Variants in CLN3 observed in about 807,000 individuals in gnomAD.
CLN3 encodes CLN3 lysosomal/endosomal transmembrane protein, battenin.
CLN3 carries 49 observed loss-of-function variants against 60.7 expected under a neutral mutation model. The observed-to-expected ratio is 0.81, with a 90% CI of 0.64 to 1.02. The LOEUF (loss-of-function observed/expected upper bound fraction) is 1.02. Among genes scored for constraint, CLN3 ranks in the 50% least tolerant of loss-of-function variants. CLN3 has a pLI of 0.00. For synonymous variants in CLN3, 256 were observed against 245.8 expected (o/e 1.04, Z -0.39); for missense variants, 516 against 557.4 (o/e 0.93, Z 0.75).
rs771123624 is a variant in CLN3 at position 28,488,582 on chromosome 16, A to T, written c.294+9T>A. ...GGTCAGGCAAGGACCAGGTGAGATG[A>T]GTACGCACAGCCGTAGAGACAGAGT... On this transcript the variant is annotated intron_variant, in intron 5 of 15. Coordinates refer to ENST00000636147, the MANE Select transcript of CLN3 (RefSeq NM_001042432.2). 3 of 1,613,822 alleles carry T rather than the reference A, an allele frequency of 1.9e-6. No homozygotes were observed. In the South Asian group the frequency reaches 3.3e-5, roughly 18 times the overall value.
At chr16:28,487,821 G>A in intron 5 of CLN3, 80 bp from the exon 6 acceptor site, 1 of 1,198,596 alleles carries the variant, frequency 8.3e-7, no homozygotes, top group South Asian at 1.3e-5. Flanking sequence ...AGAGGCAGGA[G>A]CTGGCCAAAC....
At chr16:28,477,997 T>G in intron 14 of CLN3, 120 bp from the exon 15 acceptor site, 5 of 1,194,924 alleles carry the variant, frequency 4.2e-6, no homozygotes, top group Non-Finnish European at 6.0e-6. Context: ...CTGCCAGGTC[T>G]AGATAAAATC....
At position 28,484,003 on chromosome 16, in the gene CLN3, T is replaced by G. The variant is rs386833738; in HGVS notation, c.790+3A>C. 1.0e-4 allele frequency: 164 copies of G among 1,602,734 alleles called. 3 individuals carry two copies. In the South Asian group the frequency reaches 1.8e-3, roughly 17 times the overall value. The stretch of plus-strand genomic sequence containing the variant: ...GACCTCTCTGAGGGTCTGTGTCTCC[T>G]ACCTGGCTTCGACTCCGGGGCCTCG... On this transcript the variant is annotated splice_donor_region_variant and intron_variant, in intron 10 of 15. Coordinates refer to ENST00000636147, the MANE Select transcript of CLN3 (RefSeq NM_001042432.2).
intron 10 of CLN3, among the ~76,000 whole-genome samples, chr16:28,483,060 C>T (rs1467262054): frequency 1.3e-5 from 2 of 151,112 alleles, no homozygotes; most frequent in Non-Finnish European, 2.9e-5. Context: ...GCTGAGATTG[C>T]GCCATTGCAC....
downstream of CLN3, among the ~76,000 whole-genome samples, chr16:28,469,116 T>C (rs2141684499): frequency 9.0e-6 from 1 of 110,858 alleles, no homozygotes; most frequent in East Asian, 2.4e-4. Flanking sequence ...AATGATGGAG[T>C]TAGAGAACCA....
chr16:28,478,670 G>A (rs1213876574), intron 14 of CLN3, among the ~76,000 whole-genome samples: 1 of 148,324 alleles, frequency 6.7e-6, no homozygotes, highest in South Asian at 2.1e-4. Flanking sequence ...AAGGAAGTGG[G>A]ACCATCGAAA....
chr16:28,481,456 A>ACACACC, intron 14 of CLN3, among the ~76,000 whole-genome samples: 1 of 70,220 alleles, frequency 1.4e-5, no homozygotes, highest in African/African-American at 3.5e-5. Flanking sequence ...ACACACACGC[A>ACACACC]CACACACACA....
Position 28,482,331 on chromosome 16 carries a change from G to A in CLN3, c.958C>T (p.Arg320Cys), listed in dbSNP as rs768466445. Residue 320 changes from arginine to cysteine, a missense_variant, in exon 13 of 16, where the codon CGC (arginine) becomes TGC (cysteine). Arg to Cys is a radical substitution (Grantham distance 180). Transcript: ENST00000636147. Reference protein sequence around the residue: ...NTSLSHAQQYRWYQMLYQAGV... With the variant: ...NTSLSHAQQYCWYQMLYQAGV... ...CACTGCCCTCGCTCCTCTTACCAGC[G>A]GTATTGCTGAGCGTGACTCAGGGAA... 16 of 1,613,588 alleles carry A rather than the reference G, an allele frequency of 9.9e-6. No individual in the cohort carries two copies. Among genetic ancestry groups the A allele is most frequent in the South Asian group, 3.3e-5 (3 of 91,026 alleles).
Position 28,481,434 on chromosome 16 carries a change from ACACACACACACACACACACG to A in CLN3, c.1056+651_1056+670del, listed in dbSNP as rs772386995. Among the ~76,000 whole-genome samples, 557 of 132,686 alleles carry A rather than the reference ACACACACACACACACACACG, an allele frequency of 4.2e-3. 1 individual carries two copies. The highest frequency in any genetic ancestry group is 5.7e-3 in the Non-Finnish European group (349 of 61,258). The allele number at this position is 132,686 out of a possible 152,430, so 87.0% of individuals were successfully genotyped here. ...ATGCTTAAAACACACACACACACAC[ACACACACACACACACACACG>A]CACACACACACACACACACACTACA... On this transcript the variant is annotated intron_variant, in intron 14 of 15. Coordinates refer to ENST00000636147, the MANE Select transcript of CLN3 (RefSeq NM_001042432.2).
intron 12 of CLN3, 41 bp downstream of exon 12, chr16:28,482,436 C>T (rs747741691): frequency 6.2e-7 from 1 of 1,613,830 alleles, no homozygotes; most frequent in Non-Finnish European, 8.5e-7. Flanking sequence ...GTCCCAGCCC[C>T]AATCGCCACC....
chr16:28,489,305 C>T lies in CLN3; in HGVS notation c.207G>A (p.Ser69=), dbSNP rs551476103. ...AHDILSHKRT[S]GNQSHVDPGP... ...AGTCACTTACATGGCTCTGGTTTCC[C>T]GATGTCCTCTTGTGGCTAAGGATGT... The change falls in exon 4 of 16, where the codon TCG becomes TCA. Residue 69 remains serine (S), a synonymous_variant. Transcript: ENST00000636147. 26 of 1,612,804 alleles carry T rather than the reference C, an allele frequency of 1.6e-5. No homozygotes were observed. Among genetic ancestry groups the T allele is most frequent in the East Asian group, 1.3e-4 (6 of 44,848 alleles).
rs777076484 is a variant in CLN3 at position 28,484,950 on chromosome 16, G to GT, written c.678-833dup. On this transcript the variant is annotated intron_variant, in intron 9 of 15. Transcript: ENST00000636147. ...TGTGTCTGGCTAGTTCAAAGTGTGT[G>GT]TTTTTTTTTTTTTTAGACGGAGTCT... The GT allele has an allele frequency of 1.8e-3, 258 of 139,544 alleles. 1 individual carries two copies. The highest frequency in any genetic ancestry group is 0.011 in the South Asian group (48 of 4,352). 8.6% of individuals were successfully genotyped at this position (139,544 alleles called of 1,614,324 possible).
chr16:28,482,210 G>GT lies in CLN3; in HGVS notation c.963-13dup. 1 of 1,610,518 alleles carries GT rather than the reference G, an allele frequency of 6.2e-7. No individual in the cohort carries two copies. The highest frequency in any genetic ancestry group is 8.5e-7 in the Non-Finnish European group (1 of 1,178,374). ...ACAGCATCTGGTACCTGAGGTTAGG[G>GT]TTGGGGGGAGGAGAGGAGGCTCCTC... On this transcript the variant is annotated splice_polypyrimidine_tract_variant and intron_variant, in intron 13 of 15. Transcript: ENST00000636147.
intron 14 of CLN3, among the ~76,000 whole-genome samples, chr16:28,479,138 T>C (rs1429702146): frequency 1.3e-5 from 2 of 152,218 alleles, no homozygotes; most frequent in African/African-American, 4.8e-5. Flanking sequence ...CCACATTGCC[T>C]CTTGTGCAGT....
intron 3 of CLN3, among the ~76,000 whole-genome samples, chr16:28,489,778 C>T (rs1256140916): frequency 1.3e-5 from 2 of 151,774 alleles, no homozygotes; most frequent in South Asian, 2.1e-4. Context: ...AGGAAGAGGC[C>T]GAGTGCAGTG....
intron 11 of CLN3, 26 bp downstream of exon 11, chr16:28,482,600 G>T (rs760092546): frequency 6.2e-7 from 1 of 1,614,146 alleles, no homozygotes; most frequent in South Asian, 1.1e-5. Context: ...AGCCCCACAG[G>T]GACATACCCC....
rs1405551970 is a variant in CLN3 at position 28,477,482 on chromosome 16, G to C, written c.*34C>G. On this transcript the variant is annotated 3_prime_UTR_variant, in exon 16 of 16. Transcript: ENST00000636147. ...GTCTGACCTGTCCCTCTGCCCACAGGTGAATGTGACCTGCGTCCTGAGGAT... is the reference window on the plus strand; with the variant it reads ...GTCTGACCTGTCCCTCTGCCCACAGCTGAATGTGACCTGCGTCCTGAGGAT... 3 of 1,611,814 alleles carry C rather than the reference G, an allele frequency of 1.9e-6. No individual in the cohort carries two copies. Among genetic ancestry groups the C allele is most frequent in the African/African-American group, 2.7e-5 (2 of 74,884 alleles).
At chr16:28,470,729 A>G (rs2141686802), downstream of CLN3, among the ~76,000 whole-genome samples, 1 of 150,894 alleles carries the variant, frequency 6.6e-6, no homozygotes, top group South Asian at 2.1e-4. Flanking sequence ...GGAGAAGAAG[A>G]AAGGGGTCTG....
At chr16:28,468,419 A>C in the CLN3 span, among the ~76,000 whole-genome samples, 2 of 149,566 alleles carry the variant, frequency 1.3e-5, no homozygotes, top group East Asian at 3.9e-4. Flanking sequence ...GATTATATGA[A>C]TCTTTGTCAT....
Sources: gnomAD v4.1 joint callset for allele counts (sites outside exome capture counted in the v4.1 genomes callset) on GRCh38, gnomAD v4.1.1 for gene constraint, MANE v1.5 for transcripts, NCBI Gene and HGNC (gene_info 2026-07-23, HGNC 2026-07-21) for gene names.